Variants in SPOCK3 observed in about 807,000 individuals in gnomAD.
SPOCK3 encodes the protein SPARC (osteonectin), cwcv and kazal like domains proteoglycan 3, also known as testican-3.
Under a neutral mutation model 56.6 loss-of-function variants are expected in SPOCK3, and 30 were observed. The observed-to-expected ratio is 0.53, with a 90% CI of 0.40 to 0.72. SPOCK3 has a LOEUF of 0.72. Among genes scored for constraint, SPOCK3 ranks in the 30% least tolerant of loss-of-function variants. The probability of loss-of-function intolerance (pLI) is 0.00; values close to 1 mark genes in which losing one functional copy is unlikely to be tolerated. For missense variants in SPOCK3, 527 were observed against 530.0 expected, an observed-to-expected ratio of 0.99 and a Z score of 0.06; for synonymous variants, 196 against 183.3, an observed-to-expected ratio of 1.07 and a Z score of -0.56.
At chr4:166,842,361 C>A (rs995173896) in intron 6 of SPOCK3, among the ~76,000 whole-genome samples, 4 of 152,110 alleles carry the variant, frequency 2.6e-5, no homozygotes, top group African/African-American at 7.2e-5. Context: ...TGATTGGTCC[C>A]TTTTGACAGG....
chr4:166,898,739 G>T (rs749348270), intron 5 of SPOCK3, among the ~76,000 whole-genome samples: 6 of 152,152 alleles, frequency 3.9e-5, no homozygotes, highest in Non-Finnish European at 8.8e-5. Context: ...AAGTTTTCTT[G>T]TGGGAGATGG....
At chr4:166,739,366 G>A (rs1339675403) in intron 9 of SPOCK3, among the ~76,000 whole-genome samples, 1 of 151,978 alleles carries the variant, frequency 6.6e-6, no homozygotes, top group Non-Finnish European at 1.5e-5. Context: ...TCAGCCTCCT[G>A]AGTGGCTGAG....
chr4:167,112,841 TC>T (rs1761016088), intron 2 of SPOCK3, among the ~76,000 whole-genome samples: 1 of 15,652 alleles, frequency 6.4e-5, no homozygotes, highest in Non-Finnish European at 1.0e-4. Flanking sequence ...TCAAAAGTGC[TC>T]TTTTTTAAAA....
At chr4:167,231,293 T>TTATG (rs1252861371) in intron 2 of SPOCK3, among the ~76,000 whole-genome samples, 2 of 152,012 alleles carry the variant, frequency 1.3e-5, no homozygotes, top group Non-Finnish European at 2.9e-5. Context: ...ACAGTGCTGA[T>TTATG]TATGTAAAAC....
intron 4 of SPOCK3, among the ~76,000 whole-genome samples, chr4:166,931,017 C>G (rs1366140708): frequency 1.3e-5 from 2 of 152,056 alleles, no homozygotes; most frequent in Admixed American, 1.3e-4. Flanking sequence ...GAGTTTCACT[C>G]TGTCGCCAAG....
chr4:166,834,099 G>C (rs1746366014), intron 6 of SPOCK3, among the ~76,000 whole-genome samples: 1 of 152,172 alleles, frequency 6.6e-6, no homozygotes, highest in Non-Finnish European at 1.5e-5. Flanking sequence ...AGAGAAATGT[G>C]TTCCCCCAGA....
intron 7 of SPOCK3, among the ~76,000 whole-genome samples, chr4:166,789,183 A>G (rs573211188): frequency 4.0e-4 from 61 of 152,272 alleles, no homozygotes; most frequent in Non-Finnish European, 7.2e-4. Context: ...TAATCCCACC[A>G]CTTTGGGAAG....
At chr4:166,769,993 C>A (rs955272634) in intron 7 of SPOCK3, among the ~76,000 whole-genome samples, 2 of 152,096 alleles carry the variant, frequency 1.3e-5, no homozygotes, top group African/African-American at 4.8e-5. Flanking sequence ...GAGCCATGCA[C>A]GGGATATAAT....
At chr4:166,825,150 G>A (rs186024690) in intron 6 of SPOCK3, among the ~76,000 whole-genome samples, 4 of 152,032 alleles carry the variant, frequency 2.6e-5, no homozygotes, top group Admixed American at 2.6e-4. Context: ...GACAAATAAG[G>A]TACCTAAGAA....
intron 6 of SPOCK3, among the ~76,000 whole-genome samples, chr4:166,816,427 G>A (rs1177227046): frequency 6.6e-6 from 1 of 151,968 alleles, no homozygotes; most frequent in East Asian, 1.9e-4. Flanking sequence ...TCTTATGTAT[G>A]TGTACATTTT....
intron 3 of SPOCK3, among the ~76,000 whole-genome samples, chr4:167,061,161 G>C (rs1755566836): frequency 6.6e-6 from 1 of 151,674 alleles, no homozygotes; most frequent in Non-Finnish European, 1.5e-5. Flanking sequence ...CACACATAAA[G>C]GAAAATAAAA....
chr4:166,911,648 C>T (rs1005629715), intron 5 of SPOCK3, among the ~76,000 whole-genome samples: 1 of 152,106 alleles, frequency 6.6e-6, no homozygotes, highest in Non-Finnish European at 1.5e-5. Flanking sequence ...AGTCATTCTT[C>T]TGCCTCAGCC....
At chr4:166,879,104 A>T (rs1733420825) in intron 6 of SPOCK3, among the ~76,000 whole-genome samples, 1 of 151,980 alleles carries the variant, frequency 6.6e-6, no homozygotes, top group Non-Finnish European at 1.5e-5. Flanking sequence ...CCTGTTAATT[A>T]AAAAAAATAT....
At chr4:166,975,348 T>C (rs1478401270) in intron 4 of SPOCK3, among the ~76,000 whole-genome samples, 1 of 152,144 alleles carries the variant, frequency 6.6e-6, no homozygotes, top group African/African-American at 2.4e-5. Context: ...ATGTATCTTT[T>C]AAAAAATTTT....
At chr4:167,188,495 T>C (rs529649063) in intron 2 of SPOCK3, among the ~76,000 whole-genome samples, 1 of 145,480 alleles carries the variant, frequency 6.9e-6, no homozygotes, top group South Asian at 2.1e-4. Flanking sequence ...AAGTGGACAA[T>C]AGATGAAAGA....
chr4:167,104,687 C>T lies in SPOCK3; in HGVS notation c.190-42150G>A, dbSNP rs145300343. On this transcript the variant is annotated intron_variant, in intron 2 of 10. Coordinates refer to ENST00000357545, the MANE Select transcript of SPOCK3 (RefSeq NM_001040159.2). The stretch of plus-strand genomic sequence containing the variant: ...GAAAGTTTATTGAAAGGAATAATAA[C>T]GGAGAAAATTCCCAAACCTAGGGAA... 3.4e-4 allele frequency among the ~76,000 whole-genome samples: 51 copies of T among 151,874 alleles called. No individual in the cohort carries two copies. The East Asian group carries it at 8.7e-3, about 26-fold the overall frequency.
chr4:167,150,948 C>T (rs1031402992), intron 2 of SPOCK3, among the ~76,000 whole-genome samples: 6 of 152,090 alleles, frequency 3.9e-5, no homozygotes, highest in Admixed American at 2.0e-4. Flanking sequence ...TATTTATGAT[C>T]AGAGTATAAA....
chr4:166,888,899 T>C (rs1177125456), intron 6 of SPOCK3, among the ~76,000 whole-genome samples: 1 of 151,946 alleles, frequency 6.6e-6, no homozygotes, highest in African/African-American at 2.4e-5. Context: ...GATGAGCACA[T>C]AGGAAAGAAG....
chr4:166,967,617 T>G (rs978639296), intron 4 of SPOCK3, among the ~76,000 whole-genome samples: 1 of 152,162 alleles, frequency 6.6e-6, no homozygotes. Flanking sequence ...GCCTCCCCAG[T>G]CAGTCCCACT....
Sources: gnomAD v4.1 joint callset for allele counts (sites outside exome capture counted in the v4.1 genomes callset) on GRCh38, gnomAD v4.1.1 for gene constraint, MANE v1.5 for transcripts, NCBI Gene and HGNC (gene_info 2026-07-23, HGNC 2026-07-21) for gene names.